Variants in CPA5 observed in about 807,000 individuals in gnomAD.
The protein encoded by CPA5 is carboxypeptidase A5.
In CPA5, 38 loss-of-function variants were observed where a neutral mutation model predicts 52.2. The observed-to-expected ratio is 0.73, with a 90% CI of 0.56 to 0.95. The LOEUF is 0.95. Among genes scored for constraint, CPA5 ranks in the 40% least tolerant of loss-of-function variants. The pLI, the probability that CPA5 is intolerant of heterozygous loss-of-function variation, is 0.00. For missense variants in CPA5, 519 were observed against 566.7 expected, an observed-to-expected ratio of 0.92 and a Z score of 0.86; for synonymous variants, 198 against 213.7, an observed-to-expected ratio of 0.93 and a Z score of 0.64.
rs376643555 is a variant in CPA5, at chr7:130,368,565, A to G, written c.1279A>G (p.Ile427Val). Residue 427 changes from isoleucine to valine, a missense_variant, in exon 13 of 13, where the codon ATC becomes GTC. Ile to Val is a conservative substitution (Grantham distance 29). Coordinates refer to ENST00000474905, the MANE Select transcript of CPA5 (RefSeq NM_080385.5). Reference protein sequence around the residue: ...AQETWMALRTIMEHTLNHPY With the variant: ...AQETWMALRTVMEHTLNHPY The stretch of plus-strand genomic sequence containing the variant: ...GGAGACGTGGATGGCGCTTCGGACC[A>G]TCATGGAGCACACCCTGAATCACCC... 32 of 1,614,016 alleles carry G rather than the reference A, an allele frequency of 2.0e-5. No homozygotes were observed. In the African/African-American group the frequency reaches 2.5e-4, roughly 13 times the overall value.
chr7:130,348,789 G>T (rs1283970942), intron 4 of CPA5, among the ~76,000 whole-genome samples: 2 of 152,198 alleles, frequency 1.3e-5, no homozygotes, highest in African/African-American at 2.4e-5. Context: ...GTTTCATTAC[G>T]GAACTGGGGC....
At chr7:130,366,998 T>G (rs1554408572) in intron 10 of CPA5, among the ~76,000 whole-genome samples, 1 of 152,200 alleles carries the variant, frequency 6.6e-6, no homozygotes, top group African/African-American at 2.4e-5. Flanking sequence ...CATCCCAATC[T>G]CAGTGGTTTA....
At chr7:130,362,301 T>C in intron 7 of CPA5, 137 bp from the exon 8 acceptor site, 1 of 562,252 alleles carries the variant, frequency 1.8e-6, no homozygotes, top group Admixed American at 3.1e-5. Context: ...GACAGGTACC[T>C]GCACACACAC....
chr7:130,361,222 A>C lies in CPA5; in HGVS notation c.512A>C (p.Asn171Thr). 1 of 1,613,456 alleles carries C rather than the reference A, an allele frequency of 6.2e-7. No individual in the cohort carries two copies. The highest frequency in any genetic ancestry group is 8.5e-7 in the Non-Finnish European group (1 of 1,179,406). The change falls in exon 7 of 13, where the codon AAC (asparagine) becomes ACC (threonine). Residue 171 changes from asparagine (N) to threonine (T), a missense_variant. Coordinates refer to ENST00000474905, the MANE Select transcript of CPA5 (RefSeq NM_080385.5). ...ATTCAGATTGGCAACAGCTTTGAAAACCAGTCCATTCTTGTCCTGAAGGTA... is the reference window on the plus strand; with the variant it reads ...ATTCAGATTGGCAACAGCTTTGAAACCCAGTCCATTCTTGTCCTGAAGGTA... The part of the protein sequence containing the change: ...SKIQIGNSFE[N>T]QSILVLKFST...
chr7:130,347,179 C>T (rs540468033), intron 3 of CPA5, among the ~76,000 whole-genome samples: 298 of 152,300 alleles, frequency 2.0e-3, no homozygotes, highest in Non-Finnish European at 3.2e-3. Context: ...GGGCACCAAC[C>T]CCATCCCAGG....
At chr7:130,349,439 A>G (rs954736340) in intron 4 of CPA5, among the ~76,000 whole-genome samples, 4 of 152,206 alleles carry the variant, frequency 2.6e-5, no homozygotes, top group Admixed American at 6.5e-5. Context: ...AAAAAAATTT[A>G]TAAGTTAAAC....
At chr7:130,345,612 C>T (rs184370403) in intron 1 of CPA5, 5 of 152,198 alleles carry the variant, frequency 3.3e-5, no homozygotes, top group African/African-American at 7.2e-5. Context: ...ACCTTCATGT[C>T]TAGCAGAAAA....
intron 5 of CPA5, among the ~76,000 whole-genome samples, chr7:130,356,437 G>T (rs1795481261): frequency 6.6e-6 from 1 of 152,206 alleles, no homozygotes; most frequent in Non-Finnish European, 1.5e-5. Context: ...GCTGTCATTA[G>T]GCATTCCTCA....
At chr7:130,354,918 G>A (rs1795385889) in intron 5 of CPA5, among the ~76,000 whole-genome samples, 2 of 152,092 alleles carry the variant, frequency 1.3e-5, no homozygotes, top group African/African-American at 4.8e-5. Context: ...TTTAAAGGTA[G>A]AAATGCTGTT....
At chr7:130,371,621 G>A (rs1796295419), downstream of CPA5, among the ~76,000 whole-genome samples, 1 of 151,204 alleles carries the variant, frequency 6.6e-6, no homozygotes, top group South Asian at 2.1e-4. Flanking sequence ...CCCATGGTGC[G>A]ATCTTGGCTC....
chr7:130,345,542 T>G (rs1794682130), intron 1 of CPA5: 1 of 152,260 alleles, frequency 6.6e-6, no homozygotes, highest in Non-Finnish European at 1.5e-5. Flanking sequence ...GTGTGGGGCT[T>G]CAGCAGGACT....
At position 130,350,634 on chromosome 7, in the gene CPA5, G is replaced by C. The variant is rs568473841; in HGVS notation, c.333+525G>C. 2.6e-5 allele frequency among the ~76,000 whole-genome samples: 4 copies of C among 152,264 alleles called. No individual in the cohort carries two copies. The East Asian group carries it at 5.8e-4, about 22-fold the overall frequency. ...ACCTCCACCGCTTGGCTCTCCGCAC[G>C]GGGCATCCCCCCAGGCAGCATTCTC... On this transcript the variant is annotated intron_variant, in intron 5 of 12. Transcript: ENST00000474905.
chr7:130,352,837 TG>T, intron 5 of CPA5, among the ~76,000 whole-genome samples: 1 of 151,880 alleles, frequency 6.6e-6, no homozygotes, highest in African/African-American at 2.4e-5. Context: ...TTCAGCCCTT[TG>T]GTTTTTTTTT....
Position 130,363,469 on chromosome 7 carries a change from C to T in CPA5, c.798C>T (p.Ile266=), listed in dbSNP as rs138733197. The T allele has an allele frequency of 6.1e-5, 96 of 1,585,658 alleles. No individual in the cohort carries two copies. In the African/African-American group the frequency reaches 7.6e-4, roughly 13 times the overall value. ...NKSIRPGIFC[I]GVDLNRNWKS... ...CCATCAGACCTGGAATCTTCTGCAT[C>T]GGCGTGGATCTCAACAGGAACTGGA... is the stretch of plus-strand genomic sequence containing the variant. Residue 266 remains isoleucine (I), a synonymous_variant, in exon 10 of 13, where the codon ATC becomes ATT. Transcript: ENST00000474905.
At chr7:130,363,579 A>T (rs1203182154) in intron 10 of CPA5, 70 bp downstream of exon 10, 18 of 1,295,610 alleles carry the variant, frequency 1.4e-5, no homozygotes, top group Admixed American at 6.0e-5. Context: ...TCTCCCACTC[A>T]GTCAGATTAT....
At chr7:130,347,310 C>A (rs1177447919) in intron 3 of CPA5, among the ~76,000 whole-genome samples, 2 of 152,242 alleles carry the variant, frequency 1.3e-5, no homozygotes, top group Non-Finnish European at 2.9e-5. Context: ...TCTGATCTCA[C>A]CTTCCGGGCG....
intron 5 of CPA5, among the ~76,000 whole-genome samples, chr7:130,352,093 G>A (rs1301290091): frequency 6.6e-6 from 1 of 152,166 alleles, no homozygotes; most frequent in Non-Finnish European, 1.5e-5. Flanking sequence ...AAAGGAAAGA[G>A]GAGTGGTCGT....
intron 7 of CPA5, 68 bp downstream of exon 7, chr7:130,361,312 T>C (rs1456734909): frequency 9.1e-7 from 1 of 1,093,158 alleles, no homozygotes; most frequent in Non-Finnish European, 1.4e-6. Context: ...TGATCTCATA[T>C]GGGGTAGTGG....
intron 3 of CPA5, 134 bp downstream of exon 3, chr7:130,346,735 C>G (rs879972177): frequency 5.3e-5 from 35 of 657,738 alleles, no homozygotes; most frequent in Non-Finnish European, 8.6e-5. Context: ...CCTGAACCCA[C>G]TTCCAGCTCC....
Sources: allele counts gnomAD v4.1 joint callset (sites outside exome capture counted in the v4.1 genomes callset), GRCh38; gene constraint gnomAD v4.1.1; transcripts MANE v1.5; gene names NCBI Gene and HGNC (gene_info 2026-07-23, HGNC 2026-07-21).